CELF2: variants seen among roughly 807,000 people sequenced by gnomAD.
CELF2 encodes the protein CUGBP Elav-like family member 2, also known as CUG triplet repeat RNA-binding protein 2.
CELF2 carries 8 observed loss-of-function variants against 62.6 expected under a neutral mutation model. The observed-to-expected ratio is 0.13, with a 90% confidence interval of 0.07 to 0.23. The LOEUF (loss-of-function observed/expected upper bound fraction) is 0.23, where lower values mean the gene tolerates loss of function less well. Ranked by LOEUF, CELF2 falls within the 10% of genes least tolerant of loss-of-function variation. The pLI is 1.00. For missense variants in CELF2, 333 were observed against 671.0 expected, an observed-to-expected ratio of 0.50 and a Z score of 5.56; for synonymous variants, 258 against 250.0, an observed-to-expected ratio of 1.03 and a Z score of -0.30.
upstream of CELF2, among the ~76,000 whole-genome samples, chr10:11,003,365 C>T (rs948308961): frequency 7.2e-5 from 11 of 152,170 alleles, no homozygotes; most frequent in South Asian, 1.4e-3. The surrounding 1 kb of genome is among the most constrained non-coding windows in gnomAD (Gnocchi z 4.4). Flanking sequence ...TATTGTTGTA[C>T]GTTAGTGCTT....
intron 1 of CELF2, among the ~76,000 whole-genome samples, chr10:11,055,888 A>G (rs965439308): frequency 2.6e-5 from 4 of 152,244 alleles, no homozygotes; most frequent in Non-Finnish European, 5.9e-5. Context: ...AATCCCATCT[A>G]CAGCACTCAC....
intron 1 of CELF2, among the ~76,000 whole-genome samples, chr10:11,025,830 C>A (rs2059108924): frequency 6.6e-6 from 1 of 152,230 alleles, no homozygotes; most frequent in South Asian, 2.1e-4. Flanking sequence ...AGAAAAAAGT[C>A]TCAGGACTGT....
intron 1 of CELF2, among the ~76,000 whole-genome samples, chr10:11,078,086 T>G (rs1455614237): frequency 1.3e-5 from 2 of 152,186 alleles, no homozygotes. Flanking sequence ...CATTCGTGTT[T>G]CATCCATTTC....
At chr10:10,544,361 C>T in the CELF2 span, among the ~76,000 whole-genome samples, 1 of 152,200 alleles carries the variant, frequency 6.6e-6, no homozygotes, top group African/African-American at 2.4e-5. Context: ...ATGCACCACC[C>T]GGCAAGGGTA....
intron 2 of CELF2, among the ~76,000 whole-genome samples, chr10:11,197,380 G>A (rs1234858100): frequency 1.3e-5 from 2 of 152,164 alleles, no homozygotes; most frequent in Admixed American, 1.3e-4. Context: ...GGCTTAAGTA[G>A]CATCCAGTTT....
chr10:10,758,584 G>C, the CELF2 span, among the ~76,000 whole-genome samples: 3 of 152,194 alleles, frequency 2.0e-5, no homozygotes, highest in Non-Finnish European at 4.4e-5. Flanking sequence ...TCTACACAGA[G>C]TGGGAATCTC....
chr10:11,248,304 T>G (rs931605557), intron 3 of CELF2, among the ~76,000 whole-genome samples: 3 of 152,164 alleles, frequency 2.0e-5, no homozygotes, highest in East Asian at 1.9e-4. Context: ...ATGGGCACTT[T>G]AGGAAGAGCC....
chr10:10,960,736 C>T (rs1364203806), intron 2 of CELF2, among the ~76,000 whole-genome samples: 2 of 152,208 alleles, frequency 1.3e-5, no homozygotes, highest in African/African-American at 2.4e-5. Context: ...CTTATCAGAG[C>T]TGGCTGGTTG....
At chr10:11,295,511 T>TCTCTCCTTTCTTC (rs2093062895) in intron 9 of CELF2, among the ~76,000 whole-genome samples, 1 of 152,232 alleles carries the variant, frequency 6.6e-6, no homozygotes, top group South Asian at 2.1e-4. Flanking sequence ...GAAGCTCTCT[T>TCTCTCCTTTCTTC]CTCTCCTTTC....
chr10:11,086,609 A>AAAAAAAC (rs2141707430), intron 1 of CELF2, among the ~76,000 whole-genome samples: 1 of 138,714 alleles, frequency 7.2e-6, no homozygotes, highest in Admixed American at 7.1e-5. Flanking sequence ...AAAAAAAAAA[A>AAAAAAAC]ACTCCCGACA....
intron 1 of CELF2, among the ~76,000 whole-genome samples, chr10:11,085,997 A>G (rs117891912): frequency 6.6e-6 from 1 of 152,298 alleles, no homozygotes; most frequent in East Asian, 1.9e-4. Context: ...GATTTAATGA[A>G]TTAATACACG....
the CELF2 span, among the ~76,000 whole-genome samples, chr10:10,781,670 A>T: frequency 1.3e-5 from 2 of 152,190 alleles, no homozygotes; most frequent in Non-Finnish European, 2.9e-5. Flanking sequence ...TCAAGATGAG[A>T]TTTGGGTGGG....
the CELF2 span, among the ~76,000 whole-genome samples, chr10:10,674,109 T>C: frequency 6.6e-6 from 1 of 152,214 alleles, no homozygotes; most frequent in Non-Finnish European, 1.5e-5. Flanking sequence ...TGTGAATTGC[T>C]GATAGAGGGG....
Position 11,197,061 on chromosome 10 carries a change from A to G in CELF2, c.272-20364A>G, listed in dbSNP as rs866807437. Reference sequence around the variant, plus strand: ...AGAAAGAAAGAAAGAAAGAAAGAAAAGAAAGAAAGGAAAGAAAGAAAGAAG... The same window carrying G: ...AGAAAGAAAGAAAGAAAGAAAGAAAGGAAAGAAAGGAAAGAAAGAAAGAAG... On this transcript the variant is annotated intron_variant, in intron 2 of 12. Coordinates refer to ENST00000633077, the MANE Select transcript of CELF2 (RefSeq NM_001326342.2). 7.8e-4 allele frequency among the ~76,000 whole-genome samples: 90 copies of G among 114,804 alleles called. 11 individuals are homozygous for G. The highest frequency in any genetic ancestry group is 1.9e-3 in the African/African-American group (49 of 26,242). The allele number at this position is 114,804 out of a possible 152,430, so 75.3% of individuals were successfully genotyped here.
intron 1 of CELF2, among the ~76,000 whole-genome samples, chr10:11,128,088 T>C (rs2059022592): frequency 6.6e-6 from 1 of 152,256 alleles, no homozygotes; most frequent in Non-Finnish European, 1.5e-5. Flanking sequence ...CAGTTTCAGC[T>C]TTCTACATAT....
chr10:10,526,545 A>G, the CELF2 span, among the ~76,000 whole-genome samples: 1 of 152,180 alleles, frequency 6.6e-6, no homozygotes, highest in Non-Finnish European at 1.5e-5. Flanking sequence ...TGATGGCTGT[A>G]AACTAGCCCT....
chr10:10,504,668 T>C, the CELF2 span, among the ~76,000 whole-genome samples: 1 of 152,140 alleles, frequency 6.6e-6, no homozygotes, highest in African/African-American at 2.4e-5. Context: ...ACATGAGAGT[T>C]AGATATTTTT....
intron 2 of CELF2, among the ~76,000 whole-genome samples, chr10:11,174,295 G>C (rs1020463883): frequency 6.6e-6 from 1 of 152,244 alleles, no homozygotes; most frequent in South Asian, 2.1e-4. Context: ...AGAAAGTTTT[G>C]CTGTAAATGG....
At chr10:10,865,798 T>C (rs1157066850) in intron 1 of CELF2, among the ~76,000 whole-genome samples, 2 of 152,042 alleles carry the variant, frequency 1.3e-5, no homozygotes, top group East Asian at 3.9e-4. Context: ...GCAGGCACTA[T>C]GTGAAAACTT....
Sources: allele counts gnomAD v4.1 joint callset (sites outside exome capture counted in the v4.1 genomes callset), GRCh38; gene constraint gnomAD v4.1.1; non-coding constraint Gnocchi (gnomAD v3.1); transcripts MANE v1.5; gene names NCBI Gene and HGNC (gene_info 2026-07-23, HGNC 2026-07-21).